Variants in CSMD1 observed in about 807,000 individuals in gnomAD.
CSMD1 encodes CUB and Sushi multiple domains 1, also known as CUB and sushi domain-containing protein 1.
In CSMD1, 213 loss-of-function variants were observed where a neutral mutation model predicts 417.5. The observed-to-expected ratio is 0.51, with a 90% CI of 0.46 to 0.57. CSMD1 has a LOEUF of 0.57. CSMD1 is among the 20% of genes least tolerant of loss of function. The pLI, the probability that CSMD1 is intolerant of heterozygous loss-of-function variation, is 0.00. For missense variants in CSMD1, 6,923 were observed against 4,529.7 expected, an observed-to-expected ratio of 1.53 and a Z score of -15.17; for synonymous variants, 2,862 against 1,736.8, an observed-to-expected ratio of 1.65 and a Z score of -16.11.
At chr8:4,876,865 G>C (rs1803074035) in intron 1 of CSMD1, among the ~76,000 whole-genome samples, 1 of 151,936 alleles carries the variant, frequency 6.6e-6, no homozygotes, top group Non-Finnish European at 1.5e-5. Context: ...CAACATTGTA[G>C]GTAAGAATGA....
chr8:3,476,530 G>C lies in CSMD1; in HGVS notation c.1449-7706C>G, dbSNP rs146780769. Among the ~76,000 whole-genome samples the C allele has an allele frequency of 7.1e-3, 1,081 of 152,154 alleles. 10 individuals carry two copies. The highest frequency in any genetic ancestry group is 0.015 in the South Asian group (70 of 4,824). ...CTACCAACCTATCTTCCAGAATGGC[G>C]GTACCACTTGGCTTTTCCGCTTGCA... On this transcript the variant is annotated intron_variant, in intron 11 of 69. Coordinates refer to ENST00000635120, the MANE Select transcript of CSMD1 (RefSeq NM_033225.6).
At chr8:3,690,132 G>A (rs996054506) in intron 7 of CSMD1, among the ~76,000 whole-genome samples, 2 of 152,188 alleles carry the variant, frequency 1.3e-5, no homozygotes, top group South Asian at 4.1e-4. Context: ...GCTGAGACCG[G>A]AGGATCACTT....
At chr8:3,156,837 G>T (rs923613626) in intron 39 of CSMD1, among the ~76,000 whole-genome samples, 1 of 151,892 alleles carries the variant, frequency 6.6e-6, no homozygotes, top group Non-Finnish European at 1.5e-5. Context: ...AATTTAGGAG[G>T]GGACTGTGCC....
intron 1 of CSMD1, among the ~76,000 whole-genome samples, chr8:4,780,968 T>A (rs1030048445): frequency 6.6e-6 from 1 of 152,220 alleles, no homozygotes; most frequent in Non-Finnish European, 1.5e-5. Flanking sequence ...CCTGTTTTTG[T>A]CACTATCTCT....
chr8:3,014,606 T>G (rs999222482), intron 52 of CSMD1, among the ~76,000 whole-genome samples: 13 of 152,100 alleles, frequency 8.5e-5, no homozygotes, highest in African/African-American at 3.1e-4. Flanking sequence ...TTTTATAAGC[T>G]CCTTATCTTT....
At chr8:3,362,010 C>A (rs1177438627) in intron 20 of CSMD1, among the ~76,000 whole-genome samples, 1 of 152,088 alleles carries the variant, frequency 6.6e-6, no homozygotes, top group African/African-American at 2.4e-5. Flanking sequence ...AAGTGTATTG[C>A]CTTCAGAATT....
chr8:3,908,463 T>A (rs764324781), intron 5 of CSMD1, among the ~76,000 whole-genome samples: 34 of 152,072 alleles, frequency 2.2e-4, no homozygotes, highest in Admixed American at 3.9e-4. Context: ...GCACACACAT[T>A]CCCTGGGCCT....
intron 30 of CSMD1, among the ~76,000 whole-genome samples, chr8:3,213,314 T>C (rs560845142): frequency 6.6e-6 from 1 of 152,186 alleles, no homozygotes; most frequent in African/African-American, 2.4e-5. Context: ...TTCTTCTTCT[T>C]TTTTAAATAT....
At chr8:4,780,937 T>C (rs73179605) in intron 1 of CSMD1, among the ~76,000 whole-genome samples, 1 of 152,158 alleles carries the variant, frequency 6.6e-6, no homozygotes, top group Non-Finnish European at 1.5e-5. Context: ...AGCATAAGTC[T>C]TTATAAGGCT....
At chr8:4,538,578 C>A (rs1028449683) in intron 2 of CSMD1, among the ~76,000 whole-genome samples, 1 of 151,558 alleles carries the variant, frequency 6.6e-6, no homozygotes, top group East Asian at 1.9e-4. Flanking sequence ...AGGAGTTGGA[C>A]GTTGCAGTGA....
chr8:4,679,308 C>T lies in CSMD1; in HGVS notation c.86-41750G>A, dbSNP rs142910489. Among the ~76,000 whole-genome samples, 100 of 152,154 alleles carry T rather than the reference C, an allele frequency of 6.6e-4. 2 individuals carry two copies. In the East Asian group the frequency reaches 9.3e-3, roughly 14 times the overall value. Reference sequence around the variant, plus strand: ...CCTTACTCTGCAGATGCATGAAGGGCGAAGTTGACACCTTCTGCCCATTTT... The same window carrying T: ...CCTTACTCTGCAGATGCATGAAGGGTGAAGTTGACACCTTCTGCCCATTTT... On this transcript the variant is annotated intron_variant, in intron 1 of 69. Coordinates refer to ENST00000635120, the MANE Select transcript of CSMD1 (RefSeq NM_033225.6).
chr8:3,361,245 C>G lies in CSMD1; in HGVS notation c.3116-1905G>C, dbSNP rs188948638. Among the ~76,000 whole-genome samples the G allele has an allele frequency of 5.4e-3, 826 of 152,196 alleles. 5 individuals are homozygous for G. Among genetic ancestry groups the G allele is most frequent in the Non-Finnish European group, 9.3e-3 (630 of 68,012 alleles). ...GATGTCACAATTCAGATAATATTATCACATACCTTGCTGTTATCATTCTAC... is the reference window on the plus strand; with the variant it reads ...GATGTCACAATTCAGATAATATTATGACATACCTTGCTGTTATCATTCTAC... On this transcript the variant is annotated intron_variant, in intron 20 of 69. Transcript: ENST00000635120.
chr8:4,469,486 G>A (rs545377431), intron 2 of CSMD1, among the ~76,000 whole-genome samples: 14 of 152,302 alleles, frequency 9.2e-5, no homozygotes, highest in African/African-American at 3.1e-4. Flanking sequence ...GATCAAAACA[G>A]GTGAGTAGAT....
At chr8:4,091,013 G>C (rs537971972) in intron 3 of CSMD1, among the ~76,000 whole-genome samples, 232 of 151,686 alleles carry the variant, frequency 1.5e-3, no homozygotes, top group African/African-American at 5.2e-3. Context: ...CCACCTCCTG[G>C]GTTCAAGTGA....
chr8:4,667,039 T>C (rs1457237786), intron 1 of CSMD1, among the ~76,000 whole-genome samples: 1 of 152,172 alleles, frequency 6.6e-6, no homozygotes, highest in African/African-American at 2.4e-5. Context: ...TAATGTGAGA[T>C]ATAAGTAAAT....
intron 2 of CSMD1, among the ~76,000 whole-genome samples, chr8:4,456,774 G>A (rs746562873): frequency 3.8e-4 from 58 of 152,186 alleles, no homozygotes; most frequent in African/African-American, 6.7e-4. Context: ...AGACCCATCT[G>A]ACAACCTACG....
Position 3,700,209 on chromosome 8 carries a change from G to C in CSMD1, c.1009+8205C>G, listed in dbSNP as rs139464533. 5.5e-4 allele frequency among the ~76,000 whole-genome samples: 83 copies of C among 152,152 alleles called. No individual in the cohort carries two copies. The East Asian group carries it at 0.01, about 19-fold the overall frequency. On this transcript the variant is annotated intron_variant, in intron 7 of 69. Transcript: ENST00000635120. ...ACATCTCACAAATCACCACTGAAGA[G>C]CTTACTCATGTAACCATATACCACC...
chr8:4,016,173 T>C (rs985494754), intron 4 of CSMD1, among the ~76,000 whole-genome samples: 12 of 152,300 alleles, frequency 7.9e-5, no homozygotes, highest in African/African-American at 2.9e-4. Context: ...TGAACGTTCA[T>C]AACGTAACAC....
chr8:3,044,501 C>T (rs149299466), intron 50 of CSMD1, among the ~76,000 whole-genome samples: 124 of 152,206 alleles, frequency 8.1e-4, no homozygotes, highest in South Asian at 3.7e-3. Flanking sequence ...GTATATGATA[C>T]ACATCTTTCA....
Sources: allele counts gnomAD v4.1 joint callset (sites outside exome capture counted in the v4.1 genomes callset), GRCh38; gene constraint gnomAD v4.1.1; transcripts MANE v1.5; gene names NCBI Gene and HGNC (gene_info 2026-07-23, HGNC 2026-07-21).